The following ERI1 variants were observed in gnomAD, a reference collection of about 807,000 sequenced individuals.
ERI1 encodes 3'-5' exoribonuclease 1.
In ERI1, 39 loss-of-function variants were observed where a neutral mutation model predicts 39.7. That is an observed-to-expected ratio of 0.98 (90% CI 0.76 to 1.28). The LOEUF is 1.28. ERI1 is among the 50% of genes most tolerant of loss of function. The probability of loss-of-function intolerance (pLI) is 0.00; values close to 1 mark genes in which losing one functional copy is unlikely to be tolerated. For synonymous variants in ERI1, 204 were observed against 149.6 expected (o/e 1.36, Z -2.65); for missense variants, 581 against 416.9 (o/e 1.39, Z -3.43).
intron 3 of ERI1, among the ~76,000 whole-genome samples, chr8:9,045,739 C>T (rs935080700): frequency 1.5e-4 from 22 of 149,582 alleles, no homozygotes; most frequent in African/African-American, 2.7e-4. Flanking sequence ...GGCAGTGGCA[C>T]AATCTCGGCT....
intron 6 of ERI1, among the ~76,000 whole-genome samples, chr8:9,028,504 G>A (rs1334132710): frequency 6.6e-6 from 1 of 152,206 alleles, no homozygotes; most frequent in Non-Finnish European, 1.5e-5. Flanking sequence ...TATTAGAGCT[G>A]TTAGTCCCAT....
At chr8:9,097,034 G>A (rs1799898359) in intron 3 of ERI1, among the ~76,000 whole-genome samples, 1 of 151,630 alleles carries the variant, frequency 6.6e-6, no homozygotes. Flanking sequence ...GGTCCCAAAC[G>A]AACCCATTCC....
At chr8:9,045,909 C>T (rs1459442501) in intron 3 of ERI1, among the ~76,000 whole-genome samples, 2 of 151,840 alleles carry the variant, frequency 1.3e-5, no homozygotes, top group Non-Finnish European at 2.9e-5. Context: ...GAATTCCTGA[C>T]CTCAAGTGAT....
Position 9,004,305 on chromosome 8 carries a change from GTTTTAAAATAAAT to G in ERI1, c.108+1137_108+1149del, listed in dbSNP as rs1815721506. The G allele has an allele frequency of 3.5e-5, 39 of 1,112,324 alleles. 1 individual carries two copies. In the South Asian group the frequency reaches 7.4e-4, roughly 21 times the overall value. 68.9% of individuals were successfully genotyped at this position (1,112,324 alleles called of 1,614,324 possible). A position where few individuals can be genotyped will look rare whatever the true frequency, so the allele number is the denominator to read the frequency against. ...GTTGTCAATCTCATCCTGTAAGTGG[GTTTTAAAATAAAT>G]TTCGAAGTTTATTTTTAGTAAAAGA... On this transcript the variant is annotated intron_variant, in intron 1 of 6. Transcript: ENST00000250263.
chr8:9,039,652 GTAT>G (rs1563349611), intron 3 of ERI1, among the ~76,000 whole-genome samples: 1 of 152,142 alleles, frequency 6.6e-6, no homozygotes, highest in African/African-American at 2.4e-5. Context: ...TTGAACTAAG[GTAT>G]TTGGCTTTTG....
chr8:9,014,933 G>T (rs1461189954), intron 3 of ERI1, among the ~76,000 whole-genome samples: 1 of 152,130 alleles, frequency 6.6e-6, no homozygotes, highest in Non-Finnish European at 1.5e-5. Flanking sequence ...TGCCTCCTGG[G>T]TTCAAGCGAT....
intron 1 of ERI1, among the ~76,000 whole-genome samples, chr8:9,006,677 T>C (rs1353317232): frequency 6.6e-6 from 1 of 151,724 alleles, no homozygotes; most frequent in Non-Finnish European, 1.5e-5. Flanking sequence ...CTAGCAATAC[T>C]TTTTTTTTCC....
chr8:9,006,403 T>C (rs1816026078), intron 1 of ERI1, among the ~76,000 whole-genome samples: 1 of 152,220 alleles, frequency 6.6e-6, no homozygotes, highest in Admixed American at 6.5e-5. Flanking sequence ...CAGTTTAGGA[T>C]GAGAATTAAC....
intron 3 of ERI1, among the ~76,000 whole-genome samples, chr8:9,064,698 G>T (rs1393438627): frequency 6.6e-6 from 1 of 152,136 alleles, no homozygotes; most frequent in African/African-American, 2.4e-5. Context: ...GAGGACCTGA[G>T]GTCCTAGGTG....
At chr8:9,037,033 C>G (rs565001453), downstream of ERI1, among the ~76,000 whole-genome samples, 1 of 152,316 alleles carries the variant, frequency 6.6e-6, no homozygotes, top group South Asian at 2.1e-4. Flanking sequence ...CATTGCTACA[C>G]AGACTATTGC....
At chr8:9,048,417 C>T (rs549238333) in intron 3 of ERI1, 4 of 154,444 alleles carry the variant, frequency 2.6e-5, no homozygotes, top group Admixed American at 6.5e-5. Context: ...GTTTAAAAAA[C>T]GTCCTTAAGA....
chr8:9,045,317 C>T (rs1252453968), intron 3 of ERI1, among the ~76,000 whole-genome samples: 1 of 151,380 alleles, frequency 6.6e-6, no homozygotes, highest in Non-Finnish European at 1.5e-5. Context: ...ACTGGTTCTA[C>T]AGCCAGTGCT....
intron 2 of ERI1, among the ~76,000 whole-genome samples, chr8:9,010,782 A>G (rs546764835): frequency 1.4e-4 from 22 of 152,310 alleles, no homozygotes; most frequent in Non-Finnish European, 7.4e-5. Flanking sequence ...TCACCTGATC[A>G]CTGTTATCTG....
intron 3 of ERI1, among the ~76,000 whole-genome samples, chr8:9,084,070 G>C (rs2117458111): frequency 6.6e-6 from 1 of 152,294 alleles, no homozygotes; most frequent in Non-Finnish European, 1.5e-5. Context: ...TGGGATTACA[G>C]GCGTGAGCCG....
At chr8:9,063,498 A>G (rs894494456) in intron 3 of ERI1, among the ~76,000 whole-genome samples, 1 of 152,134 alleles carries the variant, frequency 6.6e-6, no homozygotes, top group Admixed American at 6.5e-5. Context: ...CTGAGGAAGA[A>G]TCGGGACCTA....
intron 3 of ERI1, among the ~76,000 whole-genome samples, chr8:9,060,884 G>A (rs1798671468): frequency 6.6e-6 from 1 of 152,186 alleles, no homozygotes; most frequent in Non-Finnish European, 1.5e-5. Flanking sequence ...GAAGTAAAGC[G>A]GCCTTAAGCA....
chr8:9,032,300 A>G lies in ERI1; in HGVS notation c.*2266A>G, dbSNP rs1797641026. On this transcript the variant is annotated 3_prime_UTR_variant, in exon 7 of 7. Coordinates refer to ENST00000250263, the MANE Select transcript of ERI1 (RefSeq NM_153332.4). ...TTATTAATAGTTACTTAGTATTTACAAACAATTTATTATTAGCTGTGTTAA... is the reference window on the plus strand; with the variant it reads ...TTATTAATAGTTACTTAGTATTTACGAACAATTTATTATTAGCTGTGTTAA... 6.6e-6 allele frequency: 1 copy of G among 152,222 alleles called. No homozygotes were observed. The highest frequency in any genetic ancestry group is 2.1e-4 in the South Asian group (1 of 4,836). 9.4% of individuals were successfully genotyped at this position (152,222 alleles called of 1,614,324 possible).
chr8:9,091,727 G>T (rs1157394435), intron 3 of ERI1, among the ~76,000 whole-genome samples: 1 of 152,142 alleles, frequency 6.6e-6, no homozygotes. Flanking sequence ...TGTCTGGTTA[G>T]CATATGACAG....
chr8:9,022,690 G>T (rs1201903126), intron 6 of ERI1, among the ~76,000 whole-genome samples: 1 of 152,142 alleles, frequency 6.6e-6, no homozygotes, highest in Non-Finnish European at 1.5e-5. Flanking sequence ...GTGAGCCACT[G>T]CACCTGGCCT....
Sources: allele counts gnomAD v4.1 joint callset (sites outside exome capture counted in the v4.1 genomes callset), GRCh38; gene constraint gnomAD v4.1.1; transcripts MANE v1.5; gene names NCBI Gene and HGNC (gene_info 2026-07-23, HGNC 2026-07-21).